SH2D4B: variants seen among roughly 807,000 people sequenced by gnomAD.
SH2D4B encodes the protein SH2 domain-containing protein 4B.
In SH2D4B, 45 loss-of-function variants were observed where a neutral mutation model predicts 61.5. The ratio of observed to expected loss-of-function variants is 0.73; its 90% CI spans 0.58 to 0.94. SH2D4B has a LOEUF of 0.94. Among genes scored for constraint, SH2D4B ranks in the 40% least tolerant of loss-of-function variants. The pLI, the probability that SH2D4B is intolerant of heterozygous loss-of-function variation, is 0.00. For missense variants in SH2D4B, 572 were observed against 574.2 expected (o/e 1.00, Z 0.04); for synonymous variants, 224 against 220.4 (o/e 1.02, Z -0.14).
chr10:80,552,042 C>G (rs1841768145), intron 1 of SH2D4B, among the ~76,000 whole-genome samples: 3 of 152,150 alleles, frequency 2.0e-5, no homozygotes, highest in African/African-American at 7.2e-5. Context: ...GCACTAATCC[C>G]ATTCATGAAA....
At chr10:80,624,720 G>A (rs1302202186) in intron 6 of SH2D4B, among the ~76,000 whole-genome samples, 1 of 151,932 alleles carries the variant, frequency 6.6e-6, no homozygotes, top group Non-Finnish European at 1.5e-5. Flanking sequence ...CATACTTCAG[G>A]GACACAGACA....
chr10:80,578,022 G>A (rs1267478092), intron 3 of SH2D4B, among the ~76,000 whole-genome samples: 1 of 151,626 alleles, frequency 6.6e-6, no homozygotes, highest in African/African-American at 2.4e-5. Context: ...CCAGGCCAGA[G>A]TGCAGTGGCA....
intron 1 of SH2D4B, among the ~76,000 whole-genome samples, chr10:80,557,641 A>G (rs1488066678): frequency 1.3e-5 from 2 of 152,282 alleles, no homozygotes; most frequent in East Asian, 1.9e-4. Flanking sequence ...TCAACTTGAT[A>G]TAAAGTTGCT....
chr10:80,593,619 C>G (rs1842356360), intron 4 of SH2D4B, among the ~76,000 whole-genome samples: 1 of 152,130 alleles, frequency 6.6e-6, no homozygotes, highest in Non-Finnish European at 1.5e-5. Context: ...TGATTTTCTA[C>G]ATACAAGATA....
chr10:80,614,400 A>G (rs7894451), intron 6 of SH2D4B, among the ~76,000 whole-genome samples: 3,567 of 152,300 alleles, frequency 0.023, 119 homozygotes, highest in African/African-American at 0.082. Context: ...CACTGTGGTG[A>G]GGACAGCACC....
intron 1 of SH2D4B, among the ~76,000 whole-genome samples, chr10:80,562,108 GC>G: frequency 1.3e-5 from 2 of 149,500 alleles, no homozygotes; most frequent in East Asian, 3.9e-4. Flanking sequence ...CCTGCCCACA[GC>G]CCCCATCCCC....
chr10:80,583,499 C>G (rs1380630786), intron 3 of SH2D4B, among the ~76,000 whole-genome samples: 5 of 150,228 alleles, frequency 3.3e-5, no homozygotes, highest in Non-Finnish European at 7.4e-5. Context: ...TGAAACCCGT[C>G]TCCACTAAAA....
intron 4 of SH2D4B, among the ~76,000 whole-genome samples, chr10:80,597,150 G>T (rs11186223): frequency 0.12 from 17,507 of 152,100 alleles, 1,190 homozygotes; most frequent in East Asian, 0.25. Context: ...TTGAGCATTC[G>T]CAGATTTTGG....
intron 7 of SH2D4B, among the ~76,000 whole-genome samples, chr10:80,634,764 G>A (rs928847170): frequency 1.3e-5 from 2 of 152,124 alleles, no homozygotes; most frequent in Non-Finnish European, 2.9e-5. Flanking sequence ...TCTCACCTTG[G>A]GTACCTGAGT....
chr10:80,548,451 A>G (rs534488560), intron 1 of SH2D4B, among the ~76,000 whole-genome samples: 2 of 152,282 alleles, frequency 1.3e-5, no homozygotes, highest in South Asian at 4.1e-4. Context: ...GGTGTGAGCC[A>G]CCGCGTCCAG....
intron 1 of SH2D4B, among the ~76,000 whole-genome samples, chr10:80,546,773 C>T (rs149702571): frequency 1.3e-5 from 2 of 151,028 alleles, no homozygotes; most frequent in East Asian, 2.0e-4. Context: ...ATGATCCGTC[C>T]GCCTCGGCCT....
At position 80,611,286 on chromosome 10, in the gene SH2D4B, C is replaced by T. The variant is rs578241039; in HGVS notation, c.988+1735C>T. Among the ~76,000 whole-genome samples, 8 of 151,508 alleles carry T rather than the reference C, an allele frequency of 5.3e-5. No individual in the cohort carries two copies. In the East Asian group the frequency reaches 1.4e-3, roughly 26 times the overall value. On this transcript the variant is annotated intron_variant, in intron 6 of 7. Transcript: ENST00000646907. Reference sequence around the variant, plus strand: ...CTAAAGCTTTTGCAGGAAACTGACACGTCAAGTTGTTGCTCACATTCTGTT... The same window carrying T: ...CTAAAGCTTTTGCAGGAAACTGACATGTCAAGTTGTTGCTCACATTCTGTT...
At chr10:80,607,064 C>A (rs1052808044) in intron 5 of SH2D4B, among the ~76,000 whole-genome samples, 2 of 152,042 alleles carry the variant, frequency 1.3e-5, no homozygotes, top group Admixed American at 1.3e-4. Flanking sequence ...ATAGAATGAT[C>A]AAAATTTTAA....
intron 1 of SH2D4B, among the ~76,000 whole-genome samples, chr10:80,554,663 A>G (rs7093361): frequency 0.026 from 3,965 of 152,226 alleles, 142 homozygotes; most frequent in African/African-American, 0.087. Flanking sequence ...GCTTACCCAC[A>G]TGTGGAAGGT....
chr10:80,543,591 G>A (rs1411243790), intron 1 of SH2D4B, among the ~76,000 whole-genome samples: 1 of 152,232 alleles, frequency 6.6e-6, no homozygotes, highest in South Asian at 2.1e-4. Context: ...AAGGGCTGAG[G>A]AGTGCGGGCG....
chr10:80,593,057 G>A (rs78227559), intron 4 of SH2D4B, among the ~76,000 whole-genome samples: 6,472 of 152,156 alleles, frequency 0.043, 189 homozygotes, highest in Admixed American at 0.054. Flanking sequence ...TGATTTATAT[G>A]TCTGTTTCTT....
chr10:80,601,486 CTTAAA>C (rs1458073092), intron 4 of SH2D4B, among the ~76,000 whole-genome samples: 1 of 152,200 alleles, frequency 6.6e-6, no homozygotes, highest in Non-Finnish European at 1.5e-5. Flanking sequence ...GCACTAAATA[CTTAAA>C]TTGAGTCCAA....
intron 1 of SH2D4B, among the ~76,000 whole-genome samples, chr10:80,565,477 T>G (rs1841954001): frequency 6.6e-6 from 1 of 151,620 alleles, no homozygotes; most frequent in African/African-American, 2.4e-5. Context: ...CTCACTGCAG[T>G]CTCCAGCTCC....
In SH2D4B at chr10:80,538,349, G is replaced by A; in HGVS notation, c.18G>A (p.Leu6=). MLQQI[L]HDMYIDPELL... is the part of the protein sequence containing the mutation. ...GTGGCATCATGCTGCAGCAGATCCTGCACGACATGTACATCGACCCCGAGC... is the reference window on the plus strand; with the variant it reads ...GTGGCATCATGCTGCAGCAGATCCTACACGACATGTACATCGACCCCGAGC... The change falls in exon 1 of 8, where the codon CTG becomes CTA. Residue 6 remains leucine (L), a synonymous_variant. Coordinates refer to ENST00000646907, the MANE Select transcript of SH2D4B (RefSeq NM_001388272.1). This position sits in a 1 kb window ranked among gnomAD's most constrained non-coding sequence, Gnocchi z 4.8. 7.3e-7 allele frequency: 1 copy of A among 1,369,694 alleles called. No individual in the cohort carries two copies. Among genetic ancestry groups the A allele is most frequent in the Non-Finnish European group, 9.5e-7 (1 of 1,054,134 alleles). 84.8% of individuals were successfully genotyped at this position (1,369,694 alleles called of 1,614,324 possible).
Sources: gnomAD v4.1 joint callset for allele counts (sites outside exome capture counted in the v4.1 genomes callset) on GRCh38, gnomAD v4.1.1 for gene constraint, Gnocchi (gnomAD v3.1) non-coding constraint, MANE v1.5 for transcripts, NCBI Gene and HGNC (gene_info 2026-07-23, HGNC 2026-07-21) for gene names.